Variants in SGCD observed in about 807,000 individuals in gnomAD.
SGCD encodes delta-sarcoglycan.
A neutral mutation model predicts 36.6 loss-of-function variants in SGCD; 18 were observed. The observed-to-expected ratio is 0.49, with a 90% CI of 0.34 to 0.73. The LOEUF is 0.73. Among genes scored for constraint, SGCD ranks in the 30% least tolerant of loss-of-function variants. The probability of loss-of-function intolerance (pLI) is 0.01; values close to 1 mark genes in which losing one functional copy is unlikely to be tolerated. For synonymous variants in SGCD, 133 were observed against 130.6 expected, an observed-to-expected ratio of 1.02 and a Z score of -0.12; for missense variants, 387 against 346.7, an observed-to-expected ratio of 1.12 and a Z score of -0.92.
At chr5:156,552,419 G>A (rs1275652924) in intron 4 of SGCD, among the ~76,000 whole-genome samples, 1 of 152,134 alleles carries the variant, frequency 6.6e-6, no homozygotes, top group East Asian at 1.9e-4. Context: ...GAGATACCAT[G>A]GTTCATGTTT....
rs187351435 is a variant in SGCD at position 156,075,802 on chromosome 5, A to G, written c.-281-42076A>G. Among the ~76,000 whole-genome samples the G allele has an allele frequency of 5.9e-4, 90 of 152,316 alleles. 1 individual carries two copies. Among genetic ancestry groups the G allele is most frequent in the African/African-American group, 2.1e-3 (87 of 41,570 alleles). The stretch of plus-strand genomic sequence containing the variant: ...AGAGGCAGAGTTAATGAGATCCCAT[A>G]ACTGGCAAGAGTACATTGAAGAGTC... On this transcript the variant is annotated intron_variant, in intron 1 of 9. Coordinates refer to the SGCD transcript ENST00000517913.
chr5:156,352,494 A>T (rs1328859081), intron 3 of SGCD, among the ~76,000 whole-genome samples: 1 of 152,204 alleles, frequency 6.6e-6, no homozygotes, highest in African/African-American at 2.4e-5. Context: ...TTTGCAGACC[A>T]CACAAAGGAG....
chr5:156,762,641 A>G lies in SGCD; in HGVS notation c.*3251A>G, dbSNP rs1452830470. Reference sequence around the variant, plus strand: ...ATGACCTGGAAACCAAATCTGACTTACCACCTTTTCCTGTAGTTAAAGTTT... The same window carrying G: ...ATGACCTGGAAACCAAATCTGACTTGCCACCTTTTCCTGTAGTTAAAGTTT... On this transcript the variant is annotated 3_prime_UTR_variant, in exon 9 of 9. Transcript: ENST00000337851. The G allele has an allele frequency of 6.6e-6, 1 of 152,658 alleles. No individual in the cohort carries two copies. The highest frequency in any genetic ancestry group is 1.5e-5 in the Non-Finnish European group (1 of 68,046). The allele number at this position is 152,658 out of a possible 1,614,324, so 9.5% of individuals were successfully genotyped here. A position where few individuals can be genotyped will look rare whatever the true frequency, so the allele number is the denominator to read the frequency against.
chr5:156,174,803 T>G (rs1247449297), intron 3 of SGCD, among the ~76,000 whole-genome samples: 3 of 152,120 alleles, frequency 2.0e-5, no homozygotes, highest in Non-Finnish European at 4.4e-5. Flanking sequence ...TGGTTTCTTA[T>G]CTGAAGTTCC....
chr5:155,834,261 C>A, the SGCD span, among the ~76,000 whole-genome samples: 1 of 152,134 alleles, frequency 6.6e-6, no homozygotes, highest in Non-Finnish European at 1.5e-5. Context: ...CAAGAGCCTG[C>A]ACATAAAAAG....
At position 156,765,922 on chromosome 5, in the gene SGCD, C is replaced by A. The variant is rs1037272607; in HGVS notation, c.*6532C>A. ...CTGTAGTCTCTCACAGTGACAGCAT[C>A]TATACTAAAGTATAGATACCTAAGG... On this transcript the variant is annotated 3_prime_UTR_variant, in exon 9 of 9. Transcript: ENST00000337851. 4.0e-5 allele frequency: 6 copies of A among 151,682 alleles called. No individual in the cohort carries two copies. The highest frequency in any genetic ancestry group is 2.0e-4 in the Admixed American group (3 of 15,206). 9.4% of individuals were successfully genotyped at this position (151,682 alleles called of 1,614,324 possible).
intron 3 of SGCD, among the ~76,000 whole-genome samples, chr5:156,260,886 G>A (rs529660320): frequency 6.6e-6 from 1 of 152,134 alleles, no homozygotes; most frequent in African/African-American, 2.4e-5. Flanking sequence ...TATCATGAAG[G>A]ATGTTAAATA....
At chr5:156,458,219 A>G (rs962286854) in intron 3 of SGCD, among the ~76,000 whole-genome samples, 13 of 152,178 alleles carry the variant, frequency 8.5e-5, no homozygotes, top group Non-Finnish European at 1.6e-4. Context: ...CCGTCCCCAT[A>G]AGGACAACTC....
intron 7 of SGCD, among the ~76,000 whole-genome samples, chr5:156,665,379 G>T (rs867055286): frequency 1.3e-5 from 2 of 152,166 alleles, no homozygotes; most frequent in African/African-American, 4.8e-5. Flanking sequence ...CTACATATTC[G>T]CAATGTAAAC....
chr5:156,329,744 A>G (rs186861928), intron 2 of SGCD, among the ~76,000 whole-genome samples, 165 bp downstream of exon 2: 128 of 152,238 alleles, frequency 8.4e-4, no homozygotes, highest in South Asian at 2.1e-3. Context: ...CAGGCCAGGC[A>G]CGGTGGCTCA....
chr5:156,150,617 A>G (rs1336918198), intron 3 of SGCD, among the ~76,000 whole-genome samples: 1 of 151,692 alleles, frequency 6.6e-6, no homozygotes, highest in Non-Finnish European at 1.5e-5. Flanking sequence ...ACTTTCTGTG[A>G]TAAGCGTGGA....
intron 3 of SGCD, among the ~76,000 whole-genome samples, chr5:156,464,216 ATTTTTTTTTTT>A (rs773294916): frequency 8.6e-6 from 1 of 116,304 alleles, no homozygotes; most frequent in East Asian, 2.5e-4. Context: ...GAATCTACAT[ATTTTTTTTTTT>A]TTTTTTTTTT....
At chr5:156,263,927 C>G (rs950589969) in intron 3 of SGCD, among the ~76,000 whole-genome samples, 2 of 151,902 alleles carry the variant, frequency 1.3e-5, no homozygotes, top group African/African-American at 4.8e-5. Context: ...TTTCTGGGTT[C>G]TCTATTCTGT....
At chr5:156,063,499 C>T (rs1482759399) in intron 1 of SGCD, among the ~76,000 whole-genome samples, 9 of 129,920 alleles carry the variant, frequency 6.9e-5, no homozygotes, top group Non-Finnish European at 9.7e-5. Context: ...ATGGGGATGG[C>T]GTTGAATCTG....
the SGCD span, among the ~76,000 whole-genome samples, chr5:155,856,224 A>G: frequency 0.01 from 1,582 of 152,306 alleles, 33 homozygotes; most frequent in African/African-American, 0.036. Flanking sequence ...TAAAGCAACC[A>G]CTAAAATAAC....
At chr5:156,726,580 A>G (rs1449946482) in intron 7 of SGCD, among the ~76,000 whole-genome samples, 1 of 151,902 alleles carries the variant, frequency 6.6e-6, no homozygotes, top group Non-Finnish European at 1.5e-5. Flanking sequence ...TGGCCTATTC[A>G]CCCCTCTCCA....
At position 155,890,186 on chromosome 5, in the gene SGCD, T is replaced by C. The variant is rs182069715; in HGVS notation, c.-282+19762T>C. Among the ~76,000 whole-genome samples, 321 of 152,212 alleles carry C rather than the reference T, an allele frequency of 2.1e-3. 1 individual carries two copies. Among genetic ancestry groups the C allele is most frequent in the African/African-American group, 7.0e-3 (292 of 41,536 alleles). On this transcript the variant is annotated intron_variant, in intron 1 of 9. Transcript: ENST00000517913. ...TAAAAGTACCAGAGAACAACCACCA[T>C]GAAGAAACAGAAACTCTGTGCAGGC...
intron 3 of SGCD, among the ~76,000 whole-genome samples, chr5:156,222,411 T>A (rs770473056): frequency 2.6e-5 from 4 of 151,686 alleles, no homozygotes; most frequent in African/African-American, 7.3e-5. Context: ...AGACTTAAAA[T>A]TTTTTTTTGC....
intron 4 of SGCD, among the ~76,000 whole-genome samples, chr5:156,569,695 A>T (rs1287678332): frequency 6.6e-6 from 1 of 151,986 alleles, no homozygotes; most frequent in African/African-American, 2.4e-5. Flanking sequence ...GAGTAAGAGG[A>T]TGGAGAGTAA....
Sources: gnomAD v4.1 joint callset for allele counts (sites outside exome capture counted in the v4.1 genomes callset) on GRCh38, gnomAD v4.1.1 for gene constraint, MANE v1.5 for transcripts, NCBI Gene and HGNC (gene_info 2026-07-23, HGNC 2026-07-21) for gene names.